Variants in CDH7 observed in about 807,000 individuals in gnomAD.
CDH7 encodes the protein cadherin-7.
CDH7 carries 25 observed loss-of-function variants against 71.8 expected under a neutral mutation model. That is an observed-to-expected ratio of 0.35 (90% CI 0.25 to 0.49). CDH7 has a LOEUF of 0.49. Ranked by LOEUF, CDH7 falls within the 20% of genes least tolerant of loss-of-function variation. CDH7 has a pLI of 0.99. For missense variants in CDH7, 862 were observed against 974.6 expected, an observed-to-expected ratio of 0.88 and a Z score of 1.54; for synonymous variants, 381 against 363.8, an observed-to-expected ratio of 1.05 and a Z score of -0.54.
chr18:65,781,387 A>G (rs1910180350), intron 2 of CDH7, among the ~76,000 whole-genome samples: 1 of 152,228 alleles, frequency 6.6e-6, no homozygotes, highest in African/African-American at 2.4e-5. Flanking sequence ...GTTAACATTC[A>G]AATTTTATGT....
intron 11 of CDH7, among the ~76,000 whole-genome samples, chr18:65,870,159 A>C (rs572736250): frequency 6.6e-6 from 1 of 152,338 alleles, no homozygotes; most frequent in South Asian, 2.1e-4. Context: ...TTATCAGTTT[A>C]AAATTCAGTT....
At chr18:65,852,538 C>T (rs1483740239) in intron 7 of CDH7, among the ~76,000 whole-genome samples, 1 of 152,062 alleles carries the variant, frequency 6.6e-6, no homozygotes, top group Non-Finnish European at 1.5e-5. Flanking sequence ...GTTTGTGCCC[C>T]AGGTGAGAGA....
intron 2 of CDH7, among the ~76,000 whole-genome samples, chr18:65,765,777 A>G (rs1916343499): frequency 2.0e-5 from 3 of 152,068 alleles, no homozygotes; most frequent in African/African-American, 7.2e-5. Flanking sequence ...TCAAATTGAC[A>G]TCATTTTTAT....
intron 2 of CDH7, among the ~76,000 whole-genome samples, chr18:65,787,818 T>C (rs1910569945): frequency 6.6e-6 from 1 of 152,128 alleles, no homozygotes; most frequent in Non-Finnish European, 1.5e-5. Flanking sequence ...AATACTACAA[T>C]TTTTAAGTAG....
intron 2 of CDH7, among the ~76,000 whole-genome samples, chr18:65,791,652 C>T (rs1043077530): frequency 6.6e-5 from 10 of 152,154 alleles, no homozygotes; most frequent in African/African-American, 2.4e-4. Flanking sequence ...TACAGTGTAG[C>T]AAGCTTATGT....
intron 2 of CDH7, among the ~76,000 whole-genome samples, chr18:65,801,870 G>A (rs1379447162): frequency 1.3e-5 from 2 of 152,142 alleles, no homozygotes; most frequent in African/African-American, 4.8e-5. Flanking sequence ...TGTTATTGTT[G>A]GTATTTTCTA....
At chr18:65,752,954 C>T (rs149358681) in intron 1 of CDH7, among the ~76,000 whole-genome samples, 107 of 152,318 alleles carry the variant, frequency 7.0e-4, no homozygotes, top group Non-Finnish European at 1.4e-3. Context: ...TACAGACTCA[C>T]AAGTCTTCTT....
chr18:65,794,113 A>G (rs1910817300), intron 2 of CDH7, among the ~76,000 whole-genome samples: 1 of 152,126 alleles, frequency 6.6e-6, no homozygotes, highest in South Asian at 2.1e-4. Flanking sequence ...TCCACATTTT[A>G]CCTTGCAAAA....
chr18:65,776,364 ACACAC>A (rs1909940627), intron 2 of CDH7, among the ~76,000 whole-genome samples: 1 of 46,124 alleles, frequency 2.2e-5, no homozygotes, highest in South Asian at 9.4e-4. Context: ...AGTACAGAAC[ACACAC>A]ACACACACAC....
intron 4 of CDH7, among the ~76,000 whole-genome samples, chr18:65,820,695 G>A (rs1911890881): frequency 6.6e-6 from 1 of 152,142 alleles, no homozygotes; most frequent in African/African-American, 2.4e-5. Flanking sequence ...TTGGAAAGGT[G>A]TTATTTATAG....
chr18:65,782,184 T>C, intron 2 of CDH7, among the ~76,000 whole-genome samples: 2 of 142,662 alleles, frequency 1.4e-5, no homozygotes, highest in Admixed American at 7.2e-5. Context: ...CTTTCTTTCT[T>C]TCTTGACAGA....
chr18:65,759,727 G>A (rs79247386), intron 1 of CDH7, among the ~76,000 whole-genome samples: 10 of 152,198 alleles, frequency 6.6e-5, no homozygotes, highest in East Asian at 3.9e-4. Context: ...ATAAAATCCC[G>A]GAGCAATCCA....
At chr18:65,832,895 T>C (rs1397513044) in intron 6 of CDH7, among the ~76,000 whole-genome samples, 1 of 152,144 alleles carries the variant, frequency 6.6e-6, no homozygotes, top group African/African-American at 2.4e-5. Context: ...GGAATTTTTT[T>C]CTATAAAATG....
chr18:65,890,141 T>A lies in CDH7; in HGVS notation c.*9247T>A, dbSNP rs552276346. The stretch of plus-strand genomic sequence containing the variant: ...CTGAAGCCTCCTATGCCACTATCTT[T>A]ATAGGAAGCTTTACCGACTTTGTAC... On this transcript the variant is annotated 3_prime_UTR_variant, in exon 12 of 12. Coordinates refer to ENST00000397968, the MANE Select transcript of CDH7 (RefSeq NM_004361.5). 7 of 152,140 alleles carry A rather than the reference T, an allele frequency of 4.6e-5. No homozygotes were observed. Among genetic ancestry groups the A allele is most frequent in the Non-Finnish European group, 1.0e-4 (7 of 68,032 alleles). 9.4% of individuals were successfully genotyped at this position (152,140 alleles called of 1,614,324 possible). A position where few individuals can be genotyped will look rare whatever the true frequency, so the allele number is the denominator to read the frequency against.
intron 7 of CDH7, among the ~76,000 whole-genome samples, chr18:65,854,738 G>A (rs980798813): frequency 1.3e-5 from 2 of 151,906 alleles, no homozygotes; most frequent in African/African-American, 2.4e-5. Context: ...GAGCAATTCA[G>A]GTTTTAATAT....
chr18:65,786,314 G>A (rs1028244912), intron 2 of CDH7, among the ~76,000 whole-genome samples: 22 of 151,764 alleles, frequency 1.4e-4, no homozygotes, highest in Non-Finnish European at 3.1e-4. Context: ...GGGGTCTCAG[G>A]CTGACATAAA....
At chr18:65,816,017 G>T (rs1186580985) in intron 4 of CDH7, among the ~76,000 whole-genome samples, 1 of 152,064 alleles carries the variant, frequency 6.6e-6, no homozygotes. Context: ...TATGATTTTG[G>T]CTTTGCTGCA....
intron 5 of CDH7, among the ~76,000 whole-genome samples, chr18:65,823,772 T>A (rs1912023956): frequency 1.3e-5 from 2 of 151,860 alleles, no homozygotes; most frequent in South Asian, 2.1e-4. Context: ...TCCTTTCTTA[T>A]CCCTTCACAA....
intron 2 of CDH7, among the ~76,000 whole-genome samples, chr18:65,794,566 C>G: frequency 6.8e-6 from 1 of 148,018 alleles, no homozygotes; most frequent in South Asian, 2.2e-4. Context: ...AGTTGGGGGT[C>G]GGGAGCAAGG....
Sources: gnomAD v4.1 joint callset for allele counts (sites outside exome capture counted in the v4.1 genomes callset) on GRCh38, gnomAD v4.1.1 for gene constraint, MANE v1.5 for transcripts, NCBI Gene and HGNC (gene_info 2026-07-23, HGNC 2026-07-21) for gene names.